The following FBXO25 variants were observed in gnomAD, a reference collection of about 807,000 sequenced individuals.
The protein encoded by FBXO25 is F-box only protein 25.
In FBXO25, 45 loss-of-function variants were observed where a neutral mutation model predicts 51.9. The observed-to-expected ratio is 0.87, with a 90% CI of 0.68 to 1.11. The LOEUF is 1.11. FBXO25 is among the 50% of genes most tolerant of loss of function. The pLI, the probability that FBXO25 is intolerant of heterozygous loss-of-function variation, is 0.00. For missense variants in FBXO25, 507 were observed against 428.5 expected (o/e 1.18, Z -1.62); for synonymous variants, 199 against 151.0 (o/e 1.32, Z -2.33).
chr8:429,227 C>T (rs1479957363), intron 2 of FBXO25, among the ~76,000 whole-genome samples: 3 of 151,954 alleles, frequency 2.0e-5, no homozygotes, highest in African/African-American at 7.3e-5. Context: ...TTTTAATTTG[C>T]CAGTAGCCTC....
chr8:450,064 G>T lies in FBXO25; in HGVS notation c.456G>T (p.Leu152Phe). ...GVAQKNYFNI[L>F]DKIVQKVLDD... ...CACAGAAGAATTACTTCAACATTTTGGATAAAATCGTTCAAAAGGGTAAGA... is the reference window on the plus strand; with the variant it reads ...CACAGAAGAATTACTTCAACATTTTTGATAAAATCGTTCAAAAGGGTAAGA... The change falls in exon 6 of 10, where the codon TTG becomes TTT. Residue 152 changes from leucine to phenylalanine, a missense_variant. Coordinates refer to ENST00000350302, the MANE Select transcript of FBXO25 (RefSeq NM_183420.2). The T allele has an allele frequency of 6.2e-7, 1 of 1,611,736 alleles. No homozygotes were observed. Among genetic ancestry groups the T allele is most frequent in the Non-Finnish European group, 8.5e-7 (1 of 1,178,954 alleles).
Position 451,105 on chromosome 8 carries a change from G to C in FBXO25, c.476-164G>C, listed in dbSNP as rs1799056084. The C allele has an allele frequency of 6.8e-6, 4 of 589,674 alleles. No homozygotes were observed. In the South Asian group the frequency reaches 7.7e-5, roughly 11 times the overall value. The allele number at this position is 589,674 out of a possible 1,614,324, so 36.5% of individuals were successfully genotyped here. Reference sequence around the variant, plus strand: ...GTTCATCCATGCTGAATATGTGTGAGAATTTCCCTCCTTTTTAGGGCTGAA... The same window carrying C: ...GTTCATCCATGCTGAATATGTGTGACAATTTCCCTCCTTTTTAGGGCTGAA... On this transcript the variant is annotated intron_variant, in intron 6 of 9. Coordinates refer to ENST00000350302, the MANE Select transcript of FBXO25 (RefSeq NM_183420.2).
intron 2 of FBXO25, among the ~76,000 whole-genome samples, chr8:414,731 A>G (rs76662685): frequency 6.6e-6 from 1 of 152,252 alleles, no homozygotes; most frequent in Admixed American, 6.5e-5. Context: ...CTTTGAACCA[A>G]TGGCTGCTAA....
In FBXO25 at chr8:409,356, G is replaced by C. The variant is rs1796355329; in HGVS notation, c.-8+2290G>C. Reference sequence around the variant, plus strand: ...TCCTCTGTGTTGAAAATAAGCCTTTGGGCATGGACTATTTTTTTATTTCCA... The same window carrying C: ...TCCTCTGTGTTGAAAATAAGCCTTTCGGCATGGACTATTTTTTTATTTCCA... On this transcript the variant is annotated intron_variant, in intron 1 of 9. Transcript: ENST00000350302. Among the ~76,000 whole-genome samples the C allele has an allele frequency of 2.6e-5, 4 of 152,110 alleles. No individual in the cohort carries two copies. In the South Asian group the frequency reaches 8.3e-4, roughly 32 times the overall value.
At chr8:411,522 C>G (rs1252253167) in intron 1 of FBXO25, among the ~76,000 whole-genome samples, 1 of 152,088 alleles carries the variant, frequency 6.6e-6, no homozygotes, top group African/African-American at 2.4e-5. Context: ...TTTCCTCTTT[C>G]TCTCTAGTCT....
chr8:442,610 C>T (rs1798494686), intron 5 of FBXO25, among the ~76,000 whole-genome samples: 2 of 152,008 alleles, frequency 1.3e-5, no homozygotes. Context: ...GCTGGGATTT[C>T]AGGCACCTGC....
intron 1 of FBXO25, among the ~76,000 whole-genome samples, chr8:408,048 T>G (rs1796269897): frequency 6.6e-6 from 1 of 152,206 alleles, no homozygotes; most frequent in African/African-American, 2.4e-5. Context: ...TTTCTCCTCG[T>G]CTTTACGTGT....
rs1159128822 is a variant in FBXO25 at position 416,946 on chromosome 8, T to C, written c.134+3733T>C. On this transcript the variant is annotated intron_variant, in intron 2 of 9. Transcript: ENST00000350302. ...GGATGGGTGGTGGTAGAGGAAGATC[T>C]ATAGAGAGTGGCCTCTAAGAAGCAA... 1.3e-4 allele frequency among the ~76,000 whole-genome samples: 20 copies of C among 152,172 alleles called. 1 individual carries two copies. The highest frequency in any genetic ancestry group is 1.2e-3 in the Admixed American group (19 of 15,270).
At chr8:423,872 A>G (rs1329747373) in intron 2 of FBXO25, among the ~76,000 whole-genome samples, 1 of 152,186 alleles carries the variant, frequency 6.6e-6, no homozygotes, top group Non-Finnish European at 1.5e-5. Flanking sequence ...TCTCTAGACC[A>G]CTTCCCACAA....
In FBXO25 at chr8:444,284, T is replaced by C. The variant is rs62483133; in HGVS notation, c.382-5706T>C. ...CTTTAAAAATAGAGGTAGTGGATGT[T>C]GTTGTTTCTCTTTCTCTGCCCTTCC... On this transcript the variant is annotated intron_variant, in intron 5 of 9. Transcript: ENST00000350302. Among the ~76,000 whole-genome samples the C allele has an allele frequency of 2.7e-3, 415 of 152,312 alleles. 3 individuals carry two copies. The highest frequency in any genetic ancestry group is 4.7e-3 in the Non-Finnish European group (322 of 68,014).
intron 2 of FBXO25, among the ~76,000 whole-genome samples, chr8:421,836 T>C (rs1490624534): frequency 6.6e-6 from 1 of 152,226 alleles, no homozygotes; most frequent in East Asian, 1.9e-4. Flanking sequence ...GAAGGGTAGA[T>C]GTCCGTCAAA....
At position 476,721 on chromosome 8, in the gene FBXO25, C is replaced by T. The variant is rs1800653600; in HGVS notation, c.*7917C>T. On this transcript the variant is annotated 3_prime_UTR_variant, in exon 10 of 10. Coordinates refer to ENST00000350302, the MANE Select transcript of FBXO25 (RefSeq NM_183420.2). ...CTCCTCCTGGTTTTTAGTTGTTTTT[C>T]TTAGTCACTCTTAGCTATCAACAAA... 1 of 151,940 alleles carries T rather than the reference C, an allele frequency of 6.6e-6. No homozygotes were observed. The allele number at this position is 151,940 out of a possible 1,614,324, so 9.4% of individuals were successfully genotyped here.
chr8:410,532 A>G (rs1387589047), intron 1 of FBXO25, among the ~76,000 whole-genome samples: 1 of 152,120 alleles, frequency 6.6e-6, no homozygotes, highest in African/African-American at 2.4e-5. Context: ...TTTCTGTTGA[A>G]TGTGTTTTAT....
At chr8:460,700 A>G (rs997000715) in intron 8 of FBXO25, among the ~76,000 whole-genome samples, 4 of 152,126 alleles carry the variant, frequency 2.6e-5, no homozygotes, top group African/African-American at 7.3e-5. Flanking sequence ...TGTCACACAC[A>G]GTCAGTGAGA....
chr8:408,113 ATTT>A (rs1194526425), intron 1 of FBXO25, among the ~76,000 whole-genome samples: 2 of 152,138 alleles, frequency 1.3e-5, no homozygotes, highest in African/African-American at 4.8e-5. Context: ...AGTACAACTT[ATTT>A]CTGACTCTCA....
At chr8:457,161 G>A (rs1243231379) in intron 7 of FBXO25, among the ~76,000 whole-genome samples, 2 of 152,156 alleles carry the variant, frequency 1.3e-5, no homozygotes, top group Non-Finnish European at 2.9e-5. Flanking sequence ...CGACAGAAGC[G>A]CCACCCCAGA....
At chr8:408,482 G>A (rs1437498400) in intron 1 of FBXO25, among the ~76,000 whole-genome samples, 1 of 152,210 alleles carries the variant, frequency 6.6e-6, no homozygotes, top group Admixed American at 6.5e-5. Flanking sequence ...TTGCCTCAGT[G>A]TCTTCATCTT....
intron 5 of FBXO25, among the ~76,000 whole-genome samples, chr8:439,993 A>G (rs954300787): frequency 1.1e-4 from 16 of 152,340 alleles, no homozygotes; most frequent in African/African-American, 3.8e-4. Context: ...CATAATTTCT[A>G]CTAATGACTA....
intron 5 of FBXO25, 47 bp downstream of exon 5, chr8:435,754 C>A (rs774086353): frequency 1.3e-6 from 2 of 1,555,954 alleles, no homozygotes; most frequent in Non-Finnish European, 1.7e-6. Context: ...TTTTGAACAA[C>A]TATATTTTGA....
Sources: gnomAD v4.1 joint callset for allele counts (sites outside exome capture counted in the v4.1 genomes callset) on GRCh38, gnomAD v4.1.1 for gene constraint, MANE v1.5 for transcripts, NCBI Gene and HGNC (gene_info 2026-07-23, HGNC 2026-07-21) for gene names.